Variants in CTNNB1 observed in about 807,000 individuals in gnomAD.
CTNNB1 encodes the protein catenin beta 1, also known as catenin beta-1.
Under a neutral mutation model 82.5 loss-of-function variants are expected in CTNNB1, and 6 were observed. The observed-to-expected ratio is 0.07, with a 90% CI of 0.04 to 0.14. CTNNB1 has a LOEUF of 0.14. Ranked by LOEUF, CTNNB1 falls within the 10% of genes least tolerant of loss-of-function variation. CTNNB1 has a pLI of 1.00. For missense variants in CTNNB1, 529 were observed against 980.4 expected (o/e 0.54, Z 6.15); for synonymous variants, 312 against 329.7 (o/e 0.95, Z 0.58).
chr3:41,227,185 GATATATAT>G lies in CTNNB1; in HGVS notation c.937-16_937-9del, dbSNP rs139158008. On this transcript the variant is annotated splice_polypyrimidine_tract_variant and intron_variant, in intron 6 of 14. Transcript: ENST00000349496. Reference sequence around the variant, plus strand: ...GTGATCAAGATTCCTTGACTAACAAGATATATATATATATCTTTCTAGCTCATCATACT... The same window carrying G: ...GTGATCAAGATTCCTTGACTAACAAGATATATCTTTCTAGCTCATCATACT... 2 of 1,547,950 alleles carry G rather than the reference GATATATAT, an allele frequency of 1.3e-6. No individual in the cohort carries two copies. The highest frequency in any genetic ancestry group is 2.7e-5 in the African/African-American group (2 of 73,332).
Position 41,225,049 on chromosome 3 carries a change from C to A in CTNNB1, c.337C>A (p.Gln113Lys), listed in dbSNP as rs1553630279. The change falls in exon 4 of 15, where the codon CAG becomes AAG. Residue 113 changes from glutamine to lysine, a missense_variant. Physicochemically the swap from Gln to Lys is moderately conservative, Grantham distance 53. Transcript: ENST00000349496. The surrounding 1 kb of genome is among the most constrained non-coding windows in gnomAD (Gnocchi z 5.3). ...LDEGMQIPST[Q>K]FDAAHPTNVQ... ...TGAGGGCATGCAGATCCCATCTACA[C>A]AGTTTGATGCTGCTCATCCCACTAA... 1 of 1,614,096 alleles carries A rather than the reference C, an allele frequency of 6.2e-7. No homozygotes were observed. The highest frequency in any genetic ancestry group is 8.5e-7 in the Non-Finnish European group (1 of 1,179,978).
intron 1 of CTNNB1, among the ~76,000 whole-genome samples, chr3:41,208,630 G>A (rs1047277440): frequency 2.6e-5 from 4 of 151,990 alleles, no homozygotes; most frequent in Non-Finnish European, 4.4e-5. Flanking sequence ...TCACTTTCTC[G>A]TATACACGTT....
chr3:41,203,035 CTTTTTTT>C (rs34745712), intron 1 of CTNNB1, among the ~76,000 whole-genome samples: 1 of 136,750 alleles, frequency 7.3e-6, no homozygotes, highest in African/African-American at 2.7e-5. Context: ...GGTTTAGCCA[CTTTTTTT>C]TTTTTTTTTT....
At chr3:41,224,218 T>C in intron 2 of CTNNB1, 137 bp downstream of exon 2, 2 of 1,069,016 alleles carry the variant, frequency 1.9e-6, no homozygotes, top group Non-Finnish European at 2.9e-6. Flanking sequence ...TTCTGCTCAC[T>C]CCTCCTAATG....
At chr3:41,217,430 C>A (rs904945382) in intron 1 of CTNNB1, among the ~76,000 whole-genome samples, 1 of 152,134 alleles carries the variant, frequency 6.6e-6, no homozygotes, top group Non-Finnish European at 1.5e-5. Context: ...ATACCAGTAA[C>A]AAAGGGTGTT....
In CTNNB1 at chr3:41,239,400, G is replaced by A. The variant is rs2078520342; in HGVS notation, c.*58G>A. 2.7e-6 allele frequency: 4 copies of A among 1,469,310 alleles called. No individual in the cohort carries two copies. The highest frequency in any genetic ancestry group is 3.8e-6 in the Non-Finnish European group (4 of 1,066,270). The allele number at this position is 1,469,310 out of a possible 1,614,324, so 91.0% of individuals were successfully genotyped here. A position where few individuals can be genotyped will look rare whatever the true frequency, so the allele number is the denominator to read the frequency against. ...AGTTTGGGTAAAATACTTTTACTCT[G>A]CCTACAGAACTTCAGAAAGACTTGG... On this transcript the variant is annotated 3_prime_UTR_variant, in exon 15 of 15. Coordinates refer to ENST00000349496, the MANE Select transcript of CTNNB1 (RefSeq NM_001904.4).
chr3:41,219,998 TAGC>T (rs1347991427), intron 1 of CTNNB1, among the ~76,000 whole-genome samples: 7 of 152,282 alleles, frequency 4.6e-5, no homozygotes, highest in African/African-American at 1.2e-4. Flanking sequence ...TAAAAATACA[TAGC>T]AGTGAGTTTA....
chr3:41,210,479 G>A (rs2077754707), intron 1 of CTNNB1, among the ~76,000 whole-genome samples: 1 of 152,006 alleles, frequency 6.6e-6, no homozygotes, highest in African/African-American at 2.4e-5. Context: ...AAAAAACTAA[G>A]ACATGAACAC....
chr3:41,200,856 A>G (rs748210296), intron 1 of CTNNB1, among the ~76,000 whole-genome samples: 16 of 152,180 alleles, frequency 1.1e-4, no homozygotes, highest in Non-Finnish European at 2.2e-4. Flanking sequence ...CCTACTTTGT[A>G]TCTTCCAGAC....
At chr3:41,234,597 G>A in intron 10 of CTNNB1, 1 of 405,382 alleles carries the variant, frequency 2.5e-6, no homozygotes, top group African/African-American at 2.0e-5. Context: ...CTTAGGAAGA[G>A]GTAGAGTCAT....
Position 41,236,643 on chromosome 3 carries a change from C to T in CTNNB1, c.2010C>T (p.Tyr670=), listed in dbSNP as rs757572488. ...FRMSEDKPQD[Y]KKRLSVELTS... Reference sequence around the variant, plus strand: ...TGTCTGAGGACAAGCCACAAGATTACAAGAAACGGCTTTCAGTTGAGCTGA... The same window carrying T: ...TGTCTGAGGACAAGCCACAAGATTATAAGAAACGGCTTTCAGTTGAGCTGA... The change falls in exon 13 of 15, where the codon TAC becomes TAT. Residue 670 remains tyrosine (Y), a synonymous_variant. Transcript: ENST00000349496. 2.2e-5 allele frequency: 35 copies of T among 1,614,110 alleles called. No individual in the cohort carries two copies. In the Admixed American group the frequency reaches 4.0e-4, roughly 18 times the overall value.
chr3:41,225,480 C>T lies in CTNNB1; in HGVS notation c.642C>T (p.Thr214=), dbSNP rs3856747. 1,629 of 1,613,936 alleles carry T rather than the reference C, an allele frequency of 1.0e-3. 11 individuals are homozygous for T. The African/African-American group carries it at 0.019, about 19-fold the overall frequency. Residue 214 remains threonine (T), a synonymous_variant, in exon 5 of 15, where the codon ACC becomes ACT. Transcript: ENST00000349496. This position sits in a 1 kb window ranked among gnomAD's most constrained non-coding sequence, Gnocchi z 5.3. ...ATGATGTAGAAACAGCTCGTTGTAC[C>T]GCTGGGACCTTGCATAACCTTTCCC... ...NTNDVETARC[T]AGTLHNLSHH... is the part of the protein sequence containing the mutation.
intron 1 of CTNNB1, among the ~76,000 whole-genome samples, chr3:41,212,148 C>T (rs2077808519): frequency 6.6e-6 from 1 of 152,172 alleles, no homozygotes; most frequent in Non-Finnish European, 1.5e-5. Flanking sequence ...TGCACTTGGT[C>T]ATATGATTTT....
At position 41,225,681 on chromosome 3, in the gene CTNNB1, G is replaced by A. The variant is rs2125623996; in HGVS notation, c.756G>A (p.Leu252=). The A allele has an allele frequency of 1.2e-6, 2 of 1,614,134 alleles. No homozygotes were observed. Among genetic ancestry groups the A allele is most frequent in the Non-Finnish European group, 1.7e-6 (2 of 1,179,984 alleles). The change falls in exon 6 of 15, where the codon TTG becomes TTA. Residue 252 remains leucine (L), a synonymous_variant. Coordinates refer to ENST00000349496, the MANE Select transcript of CTNNB1 (RefSeq NM_001904.4). This position sits in a 1 kb window ranked among gnomAD's most constrained non-coding sequence, Gnocchi z 5.3. ...KMLGSPVDSV[L]FYAITTLHNL... is the part of the protein sequence containing the mutation. ...CCAGTTCACCAGTGGATTCTGTGTT[G>A]TTTTATGCCATTACAACTCTCCACA...
chr3:41,203,658 A>G (rs375995931), intron 1 of CTNNB1, among the ~76,000 whole-genome samples: 1 of 152,214 alleles, frequency 6.6e-6, no homozygotes, highest in African/African-American at 2.4e-5. Flanking sequence ...TATGTGACCT[A>G]AAATATAATG....
intron 1 of CTNNB1, among the ~76,000 whole-genome samples, chr3:41,219,192 GATA>G (rs1476229195): frequency 6.6e-6 from 1 of 152,128 alleles, no homozygotes; most frequent in Non-Finnish European, 1.5e-5. Flanking sequence ...TGCTTTTTGT[GATA>G]ATATGTTCTT....
At chr3:41,232,835 T>A (rs2078342179) in intron 7 of CTNNB1, among the ~76,000 whole-genome samples, 2 of 152,160 alleles carry the variant, frequency 1.3e-5, no homozygotes, top group Non-Finnish European at 1.5e-5. Flanking sequence ...CTATTTAAAA[T>A]CGCAGCCCCA....
chr3:41,200,006 C>T (rs1190472232), intron 1 of CTNNB1: 3 of 136,208 alleles, frequency 2.2e-5, no homozygotes, highest in Non-Finnish European at 4.6e-5. Context: ...GGGGCTCTGG[C>T]CTTGGCCGAG....
Position 41,233,157 on chromosome 3 carries a change from T to C in CTNNB1, c.1082-184T>C, listed in dbSNP as rs565735291. 1.8e-5 allele frequency: 12 copies of C among 652,554 alleles called. No homozygotes were observed. The African/African-American group carries it at 2.0e-4, about 11-fold the overall frequency. 40.4% of individuals were successfully genotyped at this position (652,554 alleles called of 1,614,324 possible). A position where few individuals can be genotyped will look rare whatever the true frequency, so the allele number is the denominator to read the frequency against. ...ATTTGAGAGTTTGTCACTAGTGAGG[T>C]GAACTGGCAAAGTGAAGGAAACTGA... On this transcript the variant is annotated intron_variant, in intron 7 of 14. Coordinates refer to ENST00000349496, the MANE Select transcript of CTNNB1 (RefSeq NM_001904.4).
Sources: gnomAD v4.1 joint callset for allele counts (sites outside exome capture counted in the v4.1 genomes callset) on GRCh38, gnomAD v4.1.1 for gene constraint, Gnocchi (gnomAD v3.1) non-coding constraint, MANE v1.5 for transcripts, NCBI Gene and HGNC (gene_info 2026-07-23, HGNC 2026-07-21) for gene names.